The following ZNF804B variants were observed in gnomAD, a reference collection of about 807,000 sequenced individuals.
ZNF804B encodes zinc finger protein 804B, also known as zinc finger 804B.
A neutral mutation model predicts 101.4 loss-of-function variants in ZNF804B; 80 were observed. That is an observed-to-expected ratio of 0.79 (90% CI 0.66 to 0.95). ZNF804B has a LOEUF of 0.95. ZNF804B is among the 40% of genes least tolerant of loss of function. The probability of loss-of-function intolerance (pLI) is 0.00; values close to 1 mark genes in which losing one functional copy is unlikely to be tolerated. For synonymous variants in ZNF804B, 622 were observed against 558.8 expected (o/e 1.11, Z -1.59); for missense variants, 1,673 against 1,561.9 (o/e 1.07, Z -1.20).
chr7:88,880,073 G>T (rs1037393250), intron 1 of ZNF804B, among the ~76,000 whole-genome samples: 13 of 151,978 alleles, frequency 8.6e-5, no homozygotes, highest in Non-Finnish European at 1.6e-4. Context: ...CACTTATCTG[G>T]GGAGAGGAGT....
At chr7:88,973,269 T>C (rs1024059140) in intron 1 of ZNF804B, among the ~76,000 whole-genome samples, 1 of 151,236 alleles carries the variant, frequency 6.6e-6, no homozygotes, top group African/African-American at 2.4e-5. Flanking sequence ...GGGAGAAAAC[T>C]TGTATCCCTG....
At chr7:88,862,375 T>C (rs1185673166) in intron 1 of ZNF804B, among the ~76,000 whole-genome samples, 1 of 152,118 alleles carries the variant, frequency 6.6e-6, no homozygotes, top group Non-Finnish European at 1.5e-5. Flanking sequence ...ATTACATTGA[T>C]TATAGAGCAT....
At chr7:89,103,052 T>G (rs1283627845) in intron 1 of ZNF804B, among the ~76,000 whole-genome samples, 7 of 34,310 alleles carry the variant, frequency 2.0e-4, no homozygotes, top group African/African-American at 8.0e-4. Context: ...GTGTCTGTTT[T>G]TTTTTTTTTT....
intron 1 of ZNF804B, among the ~76,000 whole-genome samples, chr7:88,945,060 G>T (rs1222568654): frequency 1.3e-5 from 2 of 151,914 alleles, no homozygotes; most frequent in Admixed American, 6.6e-5. Flanking sequence ...TCTGATGATA[G>T]TTTCTTTTCC....
At chr7:89,206,088 T>G (rs1205160381) in intron 1 of ZNF804B, among the ~76,000 whole-genome samples, 1 of 152,232 alleles carries the variant, frequency 6.6e-6, no homozygotes, top group Non-Finnish European at 1.5e-5. Context: ...TGAGCTGTAC[T>G]TTGTCCACTT....
intron 1 of ZNF804B, among the ~76,000 whole-genome samples, chr7:88,958,973 G>A (rs762998870): frequency 2.0e-5 from 3 of 151,434 alleles, no homozygotes; most frequent in Admixed American, 6.6e-5. Flanking sequence ...TAGACATGTA[G>A]TATTCTTTCA....
At chr7:88,846,315 G>T (rs948878340) in intron 1 of ZNF804B, among the ~76,000 whole-genome samples, 3 of 152,090 alleles carry the variant, frequency 2.0e-5, no homozygotes, top group Non-Finnish European at 4.4e-5. Flanking sequence ...AAAAAACTAT[G>T]TGCCAAAAAA....
intron 1 of ZNF804B, among the ~76,000 whole-genome samples, chr7:88,764,318 G>C (rs1398656586): frequency 6.6e-6 from 1 of 152,068 alleles, no homozygotes; most frequent in African/African-American, 2.4e-5. Flanking sequence ...GCTTATTCCT[G>C]GGAGCACCAT....
intron 1 of ZNF804B, among the ~76,000 whole-genome samples, chr7:88,979,176 T>G (rs1379981280): frequency 6.6e-6 from 1 of 152,020 alleles, no homozygotes; most frequent in East Asian, 1.9e-4. Flanking sequence ...CAGTTCATTT[T>G]TTAGTCTTTC....
intron 1 of ZNF804B, among the ~76,000 whole-genome samples, chr7:88,952,833 C>T (rs530850069): frequency 7.9e-5 from 12 of 151,880 alleles, no homozygotes; most frequent in Middle Eastern, 3.4e-3. Flanking sequence ...CACTCTTCCT[C>T]GATTTTTGTT....
chr7:89,233,074 A>G (rs900854386), intron 2 of ZNF804B, among the ~76,000 whole-genome samples: 1 of 149,610 alleles, frequency 6.7e-6, no homozygotes, highest in African/African-American at 2.5e-5. Context: ...GGCGCCCGCC[A>G]CCACGCCTGG....
intron 1 of ZNF804B, among the ~76,000 whole-genome samples, chr7:88,821,137 T>C (rs1000409970): frequency 6.6e-6 from 1 of 152,174 alleles, no homozygotes; most frequent in Non-Finnish European, 1.5e-5. Context: ...AACATATCTA[T>C]TATGTAAATG....
intron 2 of ZNF804B, among the ~76,000 whole-genome samples, chr7:89,270,053 A>C (rs1470018000): frequency 1.3e-5 from 2 of 152,118 alleles, no homozygotes; most frequent in Non-Finnish European, 2.9e-5. Context: ...TGCTGTGCAG[A>C]AACTCTTTAG....
intron 2 of ZNF804B, among the ~76,000 whole-genome samples, chr7:89,241,991 C>G (rs1789379663): frequency 6.6e-6 from 1 of 150,834 alleles, no homozygotes; most frequent in Non-Finnish European, 1.5e-5. Context: ...TCCTGTAAAA[C>G]TTAATTTACA....
chr7:88,814,668 C>A (rs1790847668), intron 1 of ZNF804B, among the ~76,000 whole-genome samples: 1 of 152,006 alleles, frequency 6.6e-6, no homozygotes, highest in South Asian at 2.1e-4. Flanking sequence ...TGAATGAAAT[C>A]TTAGACAATT....
intron 1 of ZNF804B, among the ~76,000 whole-genome samples, chr7:88,796,864 TA>T (rs1010703669): frequency 6.6e-6 from 1 of 152,068 alleles, no homozygotes; most frequent in African/African-American, 2.4e-5. Flanking sequence ...ACCTGTGGAC[TA>T]AAAATATTTT....
chr7:89,030,893 A>G (rs1433672223), intron 1 of ZNF804B, among the ~76,000 whole-genome samples: 1 of 151,876 alleles, frequency 6.6e-6, no homozygotes, highest in East Asian at 1.9e-4. Flanking sequence ...TGTATTATTC[A>G]GTTTCTTGGT....
chr7:89,219,074 G>A (rs2115699987), intron 2 of ZNF804B, among the ~76,000 whole-genome samples: 1 of 152,118 alleles, frequency 6.6e-6, no homozygotes, highest in South Asian at 2.1e-4. Context: ...TTAGAATCCT[G>A]GACTAGTACT....
intron 1 of ZNF804B, among the ~76,000 whole-genome samples, chr7:89,060,801 G>A (rs2116281241): frequency 6.6e-6 from 1 of 152,270 alleles, no homozygotes. Context: ...TTGACTTCGT[G>A]TGTAAGCACT....
Sources: allele counts gnomAD v4.1 joint callset (sites outside exome capture counted in the v4.1 genomes callset), GRCh38; gene constraint gnomAD v4.1.1; transcripts MANE v1.5; gene names NCBI Gene and HGNC (gene_info 2026-07-23, HGNC 2026-07-21).